Variants in ZNF708 observed in about 807,000 individuals in gnomAD.
ZNF708 encodes zinc finger protein 708.
ZNF708 carries 44 observed loss-of-function variants against 47.0 expected under a neutral mutation model. That is an observed-to-expected ratio of 0.94 (90% CI 0.74 to 1.20). The LOEUF is 1.20. ZNF708 is among the 50% of genes most tolerant of loss of function. The pLI, the probability that ZNF708 is intolerant of heterozygous loss-of-function variation, is 0.00. For synonymous variants in ZNF708, 184 were observed against 218.5 expected (o/e 0.84, Z 1.39); for missense variants, 557 against 656.0 (o/e 0.85, Z 1.65).
At position 21,303,365 on chromosome 19, in the gene ZNF708, C is replaced by A. The variant is rs148299568; in HGVS notation, c.226+5881G>T. On this transcript the variant is annotated intron_variant, in intron 3 of 3. Coordinates refer to ENST00000356929, the MANE Select transcript of ZNF708 (RefSeq NM_021269.3). ...GCCAGGAATTTGACACTACCCTGGC[C>A]AACACAGTGAAACCCCAATTCTACT... Among the ~76,000 whole-genome samples, 8 of 152,100 alleles carry A rather than the reference C, an allele frequency of 5.3e-5. No homozygotes were observed. The East Asian group carries it at 1.5e-3, about 29-fold the overall frequency.
chr19:21,323,763 C>G (rs1281314556), intron 1 of ZNF708, among the ~76,000 whole-genome samples: 1 of 152,174 alleles, frequency 6.6e-6, no homozygotes. Context: ...TGTAGCTTCT[C>G]CCAGGATAAA....
chr19:21,300,542 A>AAAAG (rs2145155813), intron 3 of ZNF708, among the ~76,000 whole-genome samples: 2 of 12,188 alleles, frequency 1.6e-4, no homozygotes, highest in Admixed American at 5.9e-4. Flanking sequence ...TAATATTTAC[A>AAAAG]CAAGCAAACA....
intron 1 of ZNF708, among the ~76,000 whole-genome samples, chr19:21,316,133 C>CTTTTTTTTTTTTT (rs544312163): frequency 2.7e-4 from 28 of 105,466 alleles, no homozygotes; most frequent in Admixed American, 7.6e-4. Context: ...TTTCTTTTTT[C>CTTTTTTTTTTTTT]TTTTTTTTTT....
chr19:21,315,732 T>C (rs969606641), intron 1 of ZNF708, among the ~76,000 whole-genome samples: 1 of 152,158 alleles, frequency 6.6e-6, no homozygotes, highest in African/African-American at 2.4e-5. Context: ...TGATTATTGA[T>C]TGGATATACA....
chr19:21,326,786 G>T (rs555361218), intron 1 of ZNF708, among the ~76,000 whole-genome samples: 11 of 152,122 alleles, frequency 7.2e-5, no homozygotes, highest in African/African-American at 2.7e-4. Flanking sequence ...ACAAAAATTA[G>T]CTGGGCATGG....
chr19:21,299,553 C>T (rs1972611756), intron 3 of ZNF708, among the ~76,000 whole-genome samples: 1 of 151,800 alleles, frequency 6.6e-6, no homozygotes, highest in Non-Finnish European at 1.5e-5. Context: ...GAGTTCAAGA[C>T]CAGCCTGGCC....
intron 3 of ZNF708, among the ~76,000 whole-genome samples, chr19:21,301,337 G>A (rs1342004736): frequency 6.6e-6 from 1 of 151,718 alleles, no homozygotes; most frequent in African/African-American, 2.4e-5. Context: ...AAGTTAGACA[G>A]GGTGCGGTGG....
intron 1 of ZNF708, among the ~76,000 whole-genome samples, chr19:21,321,604 G>T (rs1973138208): frequency 7.1e-6 from 1 of 141,556 alleles, no homozygotes; most frequent in Admixed American, 7.1e-5. Context: ...AGAAGGGAAG[G>T]GAAGGGAAGG....
At chr19:21,297,418 T>C (rs1439010566) in intron 3 of ZNF708, among the ~76,000 whole-genome samples, 1 of 150,034 alleles carries the variant, frequency 6.7e-6, no homozygotes, top group East Asian at 1.9e-4. Flanking sequence ...ATTAAAATTG[T>C]TTTATTTTCT....
chr19:21,307,636 A>G (rs1370515991), intron 3 of ZNF708, among the ~76,000 whole-genome samples: 4 of 152,074 alleles, frequency 2.6e-5, no homozygotes, highest in Non-Finnish European at 5.9e-5. Context: ...AAAAAAAAAA[A>G]TCTTTACCTT....
At chr19:21,315,109 G>A (rs1047988349) in intron 1 of ZNF708, among the ~76,000 whole-genome samples, 2 of 152,026 alleles carry the variant, frequency 1.3e-5, no homozygotes, top group African/African-American at 4.8e-5. Flanking sequence ...GATACTTTGT[G>A]GTCTTGATCT....
At chr19:21,302,712 A>C (rs1051884889) in intron 3 of ZNF708, among the ~76,000 whole-genome samples, 7 of 152,098 alleles carry the variant, frequency 4.6e-5, no homozygotes, top group African/African-American at 1.7e-4. Flanking sequence ...AAAATAAAAT[A>C]AAATATATTA....
intron 3 of ZNF708, among the ~76,000 whole-genome samples, chr19:21,295,976 GAT>G (rs1344138027): frequency 1.3e-5 from 2 of 151,866 alleles, no homozygotes; most frequent in Admixed American, 6.6e-5. Context: ...GAAAAATGAG[GAT>G]AACAATAAAA....
intron 1 of ZNF708, among the ~76,000 whole-genome samples, chr19:21,319,519 T>C (rs1164366155): frequency 1.3e-5 from 2 of 151,876 alleles, no homozygotes; most frequent in African/African-American, 4.8e-5. Context: ...AATGGTGTGA[T>C]CTTGTCTCAC....
chr19:21,322,642 T>A (rs1973176082), intron 1 of ZNF708, among the ~76,000 whole-genome samples: 1 of 152,188 alleles, frequency 6.6e-6, no homozygotes, highest in East Asian at 1.9e-4. Flanking sequence ...TCTCTCACCC[T>A]GGGAGAACTG....
chr19:21,309,308 C>T lies in ZNF708; in HGVS notation c.164G>A (p.Cys55Tyr), dbSNP rs1261654331. 1.9e-6 allele frequency: 3 copies of T among 1,602,040 alleles called. No individual in the cohort carries two copies. The highest frequency in any genetic ancestry group is 2.6e-6 in the Non-Finnish European group (3 of 1,174,298). ...IAVSNLDLIT[C>Y]LEQGKEPWNM... Reference sequence around the variant, plus strand: ...CCAGGGCTCTTTTCCTTGCTCCAGACAGGTGATCAGGTCTAAATTAGACAC... The same window carrying T: ...CCAGGGCTCTTTTCCTTGCTCCAGATAGGTGATCAGGTCTAAATTAGACAC... The change falls in exon 3 of 4, where the codon TGT becomes TAT. Residue 55 changes from cysteine to tyrosine, a missense_variant. Transcript: ENST00000356929.
At chr19:21,310,459 T>A (rs528948729) in intron 2 of ZNF708, 42 bp downstream of exon 2, 13,925 of 950,930 alleles carry the variant, frequency 0.015, 158 homozygotes, top group Middle Eastern at 0.022. Context: ...AAAAAAATAA[T>A]AATAAATAAT....
intron 3 of ZNF708, among the ~76,000 whole-genome samples, chr19:21,301,313 C>T (rs943621568): frequency 6.6e-6 from 1 of 151,752 alleles, no homozygotes; most frequent in Non-Finnish European, 1.5e-5. Flanking sequence ...CCGATCTCTA[C>T]TAAAAAAATA....
chr19:21,294,074 G>T lies in ZNF708; in HGVS notation c.892C>A (p.His298Asn). The change falls in exon 4 of 4, where the codon CAC becomes AAC. Residue 298 changes from histidine (H) to asparagine (N), a missense_variant. His to Asn is a moderately conservative substitution (Grantham distance 68, BLOSUM62 1). Coordinates refer to ENST00000356929, the MANE Select transcript of ZNF708 (RefSeq NM_021269.3). ...TTCTCTCCAGTATGAATTTTCTTGT[G>T]ATTAGTAAGGTTTGAGGACTGTTTA... ...AFKQSSNLTN[H>N]KKIHTGEKPY... 6.2e-7 allele frequency: 1 copy of T among 1,613,530 alleles called. No homozygotes were observed. Among genetic ancestry groups the T allele is most frequent in the South Asian group, 1.1e-5 (1 of 91,060 alleles).
Sources: allele counts gnomAD v4.1 joint callset (sites outside exome capture counted in the v4.1 genomes callset), GRCh38; gene constraint gnomAD v4.1.1; transcripts MANE v1.5; gene names NCBI Gene and HGNC (gene_info 2026-07-23, HGNC 2026-07-21).